The following ST6GALNAC3 variants were observed in gnomAD, a reference collection of about 807,000 sequenced individuals.
ST6GALNAC3 encodes ST6 N-acetylgalactosaminide alpha-2,6-sialyltransferase 3, also known as alpha-N-acetylgalactosaminide alpha-2,6-sialyltransferase 3.
ST6GALNAC3 carries 25 observed loss-of-function variants against 32.7 expected under a neutral mutation model. The ratio of observed to expected loss-of-function variants is 0.76; its 90% confidence interval spans 0.56 to 1.07. The LOEUF (loss-of-function observed/expected upper bound fraction) is 1.07, where lower values mean the gene tolerates loss of function less well. Among genes scored for constraint, ST6GALNAC3 ranks in the 50% least tolerant of loss-of-function variants. The probability of loss-of-function intolerance (pLI) is 0.00; values close to 1 mark genes in which losing one functional copy is unlikely to be tolerated. For missense variants in ST6GALNAC3, 355 were observed against 382.4 expected, an observed-to-expected ratio of 0.93 and a Z score of 0.60; for synonymous variants, 129 against 133.1, an observed-to-expected ratio of 0.97 and a Z score of 0.21.
chr1:76,288,478 G>C (rs1042735706), intron 1 of ST6GALNAC3, among the ~76,000 whole-genome samples: 2 of 152,178 alleles, frequency 1.3e-5, no homozygotes, highest in Non-Finnish European at 2.9e-5. Flanking sequence ...TAAGTTCTAA[G>C]CAGTCCTCAC....
intron 3 of ST6GALNAC3, among the ~76,000 whole-genome samples, chr1:76,560,773 G>T (rs1465817101): frequency 6.6e-6 from 1 of 152,176 alleles, no homozygotes; most frequent in African/African-American, 2.4e-5. Flanking sequence ...AGAACAGTTT[G>T]AACGTTCCTT....
At chr1:76,211,900 C>T (rs187643106) in intron 1 of ST6GALNAC3, among the ~76,000 whole-genome samples, 4 of 152,132 alleles carry the variant, frequency 2.6e-5, no homozygotes, top group African/African-American at 9.6e-5. Flanking sequence ...CAAACCTGCA[C>T]ATTGTGCACA....
At chr1:76,622,011 C>T (rs529630632) in intron 3 of ST6GALNAC3, among the ~76,000 whole-genome samples, 1 of 152,092 alleles carries the variant, frequency 6.6e-6, no homozygotes, top group Admixed American at 6.5e-5. Context: ...CCATGCTCTC[C>T]AATAAACCTC....
At chr1:76,353,434 C>A (rs779831520) in intron 2 of ST6GALNAC3, 3 of 151,928 alleles carry the variant, frequency 2.0e-5, no homozygotes, top group Admixed American at 6.6e-5. Flanking sequence ...TTTGTCAAAT[C>A]ATTGTTCGTT....
chr1:76,139,307 T>C (rs1170160283), intron 1 of ST6GALNAC3, among the ~76,000 whole-genome samples: 1 of 151,998 alleles, frequency 6.6e-6, no homozygotes, highest in Non-Finnish European at 1.5e-5. Flanking sequence ...CATTCACAAC[T>C]CATACATACA....
chr1:76,559,565 A>T (rs1178760660), intron 3 of ST6GALNAC3, among the ~76,000 whole-genome samples: 1 of 152,206 alleles, frequency 6.6e-6, no homozygotes, highest in Non-Finnish European at 1.5e-5. Context: ...AAAGGGTACC[A>T]TCAAGAAAAT....
chr1:76,178,652 G>C (rs1420401402), intron 1 of ST6GALNAC3, among the ~76,000 whole-genome samples: 2 of 152,156 alleles, frequency 1.3e-5, no homozygotes, highest in Non-Finnish European at 2.9e-5. Flanking sequence ...AGGGTGGAGG[G>C]AGTAGGAGGG....
At chr1:76,588,205 T>G (rs1268613381) in intron 3 of ST6GALNAC3, among the ~76,000 whole-genome samples, 1 of 152,070 alleles carries the variant, frequency 6.6e-6, no homozygotes, top group Non-Finnish European at 1.5e-5. Context: ...TGTTTGTTTG[T>G]TTAAATAGGG....
At chr1:76,605,166 C>A (rs563885) in intron 3 of ST6GALNAC3, among the ~76,000 whole-genome samples, 76,979 of 151,922 alleles carry the variant, frequency 0.51, 20,655 homozygotes, top group East Asian at 0.83. Context: ...ACATGGAGGG[C>A]CAACAGATTT....
chr1:76,090,633 C>T (rs1647031517), intron 1 of ST6GALNAC3, among the ~76,000 whole-genome samples: 2 of 152,306 alleles, frequency 1.3e-5, no homozygotes, highest in Middle Eastern at 3.4e-3. Context: ...CTCCACAGGC[C>T]TACAGGATCC....
intron 1 of ST6GALNAC3, among the ~76,000 whole-genome samples, chr1:76,243,157 T>A (rs1254913168): frequency 2.0e-5 from 3 of 152,234 alleles, no homozygotes; most frequent in African/African-American, 7.2e-5. Context: ...CTGACTGGTG[T>A]GAGTTGGTAT....
At chr1:76,476,535 G>T (rs1175146853) in intron 3 of ST6GALNAC3, among the ~76,000 whole-genome samples, 1 of 152,112 alleles carries the variant, frequency 6.6e-6, no homozygotes, top group Admixed American at 6.6e-5. Flanking sequence ...CATTTTCTGG[G>T]ATGAAATGAG....
chr1:76,172,565 C>A (rs926164234), intron 1 of ST6GALNAC3, among the ~76,000 whole-genome samples: 1 of 146,702 alleles, frequency 6.8e-6, no homozygotes, highest in East Asian at 2.1e-4. Context: ...TTACAGATGA[C>A]AAGATTTTAT....
At chr1:76,333,692 T>C (rs1180667215) in intron 2 of ST6GALNAC3, among the ~76,000 whole-genome samples, 1 of 152,194 alleles carries the variant, frequency 6.6e-6, no homozygotes, top group Non-Finnish European at 1.5e-5. Context: ...CTTCTTTCTA[T>C]ATACACTATA....
At chr1:76,156,545 GT>G (rs112896309) in intron 1 of ST6GALNAC3, among the ~76,000 whole-genome samples, 9 of 113,402 alleles carry the variant, frequency 7.9e-5, no homozygotes, top group African/African-American at 1.3e-4. Context: ...ATTTTGTTTG[GT>G]TTTTTTTTTG....
intron 1 of ST6GALNAC3, among the ~76,000 whole-genome samples, chr1:76,278,003 T>C (rs1259507551): frequency 6.6e-6 from 1 of 152,158 alleles, no homozygotes; most frequent in Non-Finnish European, 1.5e-5. Context: ...TTTGCATTTC[T>C]ACAGAAATTT....
chr1:76,219,008 A>T (rs1392613711), intron 1 of ST6GALNAC3, among the ~76,000 whole-genome samples: 1 of 152,242 alleles, frequency 6.6e-6, no homozygotes, highest in Non-Finnish European at 1.5e-5. Context: ...GGCTAAGGAA[A>T]CTGCCTTGAG....
chr1:76,099,487 A>G (rs1355784033), intron 1 of ST6GALNAC3, among the ~76,000 whole-genome samples: 5 of 152,244 alleles, frequency 3.3e-5, no homozygotes, highest in Admixed American at 6.5e-5. Flanking sequence ...AAAACTACTA[A>G]GCAATGAGAA....
In ST6GALNAC3 at chr1:76,403,841, T is replaced by C. The variant is rs556089074; in HGVS notation, c.214-8167T>C. Among the ~76,000 whole-genome samples the C allele has an allele frequency of 2.1e-3, 320 of 152,218 alleles. 2 individuals carry two copies. Among genetic ancestry groups the C allele is most frequent in the African/African-American group, 7.3e-3 (302 of 41,562 alleles). ...GTTGGCCATAAAATTATCCAAGTTT[T>C]ACTGTGACCTAATAGTAATAATAGG... On this transcript the variant is annotated intron_variant, in intron 2 of 4. Coordinates refer to ENST00000328299, the MANE Select transcript of ST6GALNAC3 (RefSeq NM_152996.4).
Sources: allele counts gnomAD v4.1 joint callset (sites outside exome capture counted in the v4.1 genomes callset), GRCh38; gene constraint gnomAD v4.1.1; transcripts MANE v1.5; gene names NCBI Gene and HGNC (gene_info 2026-07-23, HGNC 2026-07-21).